Variants in PCOLCE2 observed in about 807,000 individuals in gnomAD.
PCOLCE2 encodes the protein procollagen C-endopeptidase enhancer 2.
A neutral mutation model predicts 47.0 loss-of-function variants in PCOLCE2; 42 were observed. The observed-to-expected ratio is 0.89, with a 90% CI of 0.70 to 1.16. The LOEUF (loss-of-function observed/expected upper bound fraction) is 1.16, where lower values mean the gene tolerates loss of function less well. Among genes scored for constraint, PCOLCE2 ranks in the 50% most tolerant of loss-of-function variants. PCOLCE2 has a pLI of 0.00. For missense variants in PCOLCE2, 500 were observed against 526.1 expected, an observed-to-expected ratio of 0.95 and a Z score of 0.49; for synonymous variants, 169 against 191.7, an observed-to-expected ratio of 0.88 and a Z score of 0.98.
chr3:142,834,861 A>G (rs1350448243), intron 5 of PCOLCE2, among the ~76,000 whole-genome samples: 2 of 152,098 alleles, frequency 1.3e-5, no homozygotes, highest in Non-Finnish European at 2.9e-5. Flanking sequence ...AACAATCCCT[A>G]TTTTTCTCTG....
intron 6 of PCOLCE2, chr3:142,827,297 G>A: frequency 7.5e-7 from 1 of 1,331,216 alleles, no homozygotes; most frequent in Non-Finnish European, 1.1e-6. Context: ...GTTCCTCTTT[G>A]CCTTATATTT....
chr3:142,854,044 T>A (rs916945733), intron 2 of PCOLCE2, among the ~76,000 whole-genome samples: 8 of 152,140 alleles, frequency 5.3e-5, no homozygotes, highest in Non-Finnish European at 5.9e-5. Flanking sequence ...AGCTGATGGT[T>A]TGCATTTTTA....
rs191652086 is a variant in PCOLCE2, at chr3:142,838,392, T to G, written c.710+378A>C. On this transcript the variant is annotated intron_variant, in intron 5 of 8. Transcript: ENST00000295992. ...TAAACACCATCCACCTTGGCGACAG[T>G]GAGCTCTCTGCTCTCTGGTCATTTA... is the stretch of plus-strand genomic sequence containing the variant. Among the ~76,000 whole-genome samples, 70 of 152,262 alleles carry G rather than the reference T, an allele frequency of 4.6e-4. 1 individual carries two copies. The highest frequency in any genetic ancestry group is 4.1e-3 in the Admixed American group (63 of 15,294).
intron 8 of PCOLCE2, among the ~76,000 whole-genome samples, chr3:142,819,317 C>T (rs1936987000): frequency 6.6e-6 from 1 of 152,094 alleles, no homozygotes. Context: ...GGGTTAATTC[C>T]TCCTTTAGTT....
chr3:142,870,785 G>A (rs532526052), intron 2 of PCOLCE2, among the ~76,000 whole-genome samples: 3 of 149,742 alleles, frequency 2.0e-5, no homozygotes, highest in Admixed American at 6.7e-5. Context: ...CTTCAGCAGC[G>A]AGCACACCTA....
intron 2 of PCOLCE2, among the ~76,000 whole-genome samples, chr3:142,873,564 ACT>A (rs766639797): frequency 5.9e-5 from 9 of 152,144 alleles, no homozygotes; most frequent in Admixed American, 2.0e-4. Flanking sequence ...GCAGCATTAT[ACT>A]CTTTCATCTA....
intron 2 of PCOLCE2, among the ~76,000 whole-genome samples, chr3:142,867,595 T>A (rs1382441469): frequency 6.6e-6 from 1 of 151,988 alleles, no homozygotes; most frequent in Non-Finnish European, 1.5e-5. Context: ...CAAAGACCAA[T>A]ATGCACATGA....
chr3:142,826,605 A>T (rs538146080), intron 6 of PCOLCE2, among the ~76,000 whole-genome samples: 1 of 152,234 alleles, frequency 6.6e-6, no homozygotes, highest in South Asian at 2.1e-4. Flanking sequence ...TTCTTCTTTA[A>T]GGCCAAACTT....
At position 142,818,442 on chromosome 3, in the gene PCOLCE2, G is replaced by C; in HGVS notation, c.1141C>G (p.Gln381Glu). ...RRGLNYIIMGQVGEDGRGKIM... is the reference protein window; with the variant it reads ...RRGLNYIIMGEVGEDGRGKIM... ...TTGCCTCGCCCATCTTCACCTACTT[G>C]GCCCATAATAATGTAATTTAGACCT... The change falls in exon 9 of 9, where the codon CAA becomes GAA. Residue 381 changes from glutamine (Q) to glutamate (E), a missense_variant. Coordinates refer to ENST00000295992, the MANE Select transcript of PCOLCE2 (RefSeq NM_013363.4). The C allele has an allele frequency of 6.2e-7, 1 of 1,611,414 alleles. No homozygotes were observed. The highest frequency in any genetic ancestry group is 8.5e-7 in the Non-Finnish European group (1 of 1,178,026).
At chr3:142,855,350 G>A (rs1253242265) in intron 2 of PCOLCE2, among the ~76,000 whole-genome samples, 19 of 128,662 alleles carry the variant, frequency 1.5e-4, no homozygotes, top group Admixed American at 1.5e-3. Context: ...TAAAATAATA[G>A]TGCAGGCCAT....
At chr3:142,857,901 AC>A (rs1214968529) in intron 2 of PCOLCE2, among the ~76,000 whole-genome samples, 1 of 151,914 alleles carries the variant, frequency 6.6e-6, no homozygotes, top group Non-Finnish European at 1.5e-5. Flanking sequence ...GGCCTCATCT[AC>A]CCCCCAGCCA....
intron 2 of PCOLCE2, among the ~76,000 whole-genome samples, chr3:142,875,997 T>C (rs1435994478): frequency 1.3e-5 from 2 of 152,230 alleles, no homozygotes; most frequent in Admixed American, 1.3e-4. Context: ...TCAGAGATAC[T>C]GTCTGCTGCC....
intron 2 of PCOLCE2, among the ~76,000 whole-genome samples, chr3:142,883,989 C>A (rs900278871): frequency 3.9e-5 from 6 of 152,302 alleles, no homozygotes; most frequent in Admixed American, 2.0e-4. Context: ...TGTTTATCAC[C>A]TCTAAATTCG....
intron 3 of PCOLCE2, among the ~76,000 whole-genome samples, chr3:142,847,756 T>G (rs1206566593): frequency 6.6e-6 from 1 of 152,190 alleles, no homozygotes; most frequent in Non-Finnish European, 1.5e-5. Context: ...AGGCTGGTCT[T>G]GAATTTCTGA....
chr3:142,821,353 T>C (rs1185152432), intron 7 of PCOLCE2, among the ~76,000 whole-genome samples: 1 of 152,166 alleles, frequency 6.6e-6, no homozygotes, highest in Admixed American at 6.5e-5. Flanking sequence ...GATTGTCACA[T>C]AGGGGATAGT....
At chr3:142,857,556 T>C (rs1357490728) in intron 2 of PCOLCE2, among the ~76,000 whole-genome samples, 1 of 151,900 alleles carries the variant, frequency 6.6e-6, no homozygotes, top group Non-Finnish European at 1.5e-5. Context: ...AAAATGACTA[T>C]AAAAAAGGGA....
chr3:142,866,527 CTG>C (rs1478719778), intron 2 of PCOLCE2, among the ~76,000 whole-genome samples: 1 of 152,140 alleles, frequency 6.6e-6, no homozygotes, highest in African/African-American at 2.4e-5. Context: ...AATATTTTGA[CTG>C]TTTCTCTGGA....
intron 2 of PCOLCE2, among the ~76,000 whole-genome samples, chr3:142,849,940 G>A (rs192768028): frequency 7.2e-5 from 11 of 151,776 alleles, no homozygotes; most frequent in Non-Finnish European, 1.5e-4. Context: ...TGCTTTTTGT[G>A]TCAAACACAT....
chr3:142,852,486 T>C (rs1017977717), intron 2 of PCOLCE2, among the ~76,000 whole-genome samples: 2 of 152,036 alleles, frequency 1.3e-5, no homozygotes, highest in Non-Finnish European at 2.9e-5. Context: ...TTTGTTAACA[T>C]TTTGTTAATA....
Sources: gnomAD v4.1 joint callset for allele counts (sites outside exome capture counted in the v4.1 genomes callset) on GRCh38, gnomAD v4.1.1 for gene constraint, MANE v1.5 for transcripts, NCBI Gene and HGNC (gene_info 2026-07-23, HGNC 2026-07-21) for gene names.